Variants in CNTNAP2 observed in about 807,000 individuals in gnomAD.
CNTNAP2 encodes the protein contactin associated protein 2.
CNTNAP2 carries 98 observed loss-of-function variants against 155.2 expected under a neutral mutation model. The observed-to-expected ratio is 0.63, with a 90% CI of 0.54 to 0.75. CNTNAP2 has a LOEUF of 0.75. Ranked by LOEUF, CNTNAP2 falls within the 30% of genes least tolerant of loss-of-function variation. The pLI is 0.00. For synonymous variants in CNTNAP2, 651 were observed against 631.2 expected, an observed-to-expected ratio of 1.03 and a Z score of -0.47; for missense variants, 1,727 against 1,688.1, an observed-to-expected ratio of 1.02 and a Z score of -0.40.
intron 1 of CNTNAP2, among the ~76,000 whole-genome samples, chr7:146,693,042 T>A (rs992871943): frequency 6.6e-6 from 1 of 152,124 alleles, no homozygotes; most frequent in African/African-American, 2.4e-5. Context: ...TCTGATTGTG[T>A]CATTTACTTG....
chr7:148,292,814 C>T (rs1797211792), intron 21 of CNTNAP2, among the ~76,000 whole-genome samples: 1 of 152,156 alleles, frequency 6.6e-6, no homozygotes, highest in African/African-American at 2.4e-5. Context: ...CCATCCCCTC[C>T]ACCCCAACAT....
chr7:148,150,102 CAAAAAAAAAAAAAAAAA>C (rs71188948), intron 17 of CNTNAP2, among the ~76,000 whole-genome samples: 3 of 84,546 alleles, frequency 3.5e-5, no homozygotes, highest in Non-Finnish European at 7.5e-5. Flanking sequence ...GGGGTTGTTA[CAAAAAAAAAAAAAAAAA>C]AAAAAAAAAA....
chr7:146,902,478 G>C (rs1374653851), intron 3 of CNTNAP2, among the ~76,000 whole-genome samples: 2 of 152,180 alleles, frequency 1.3e-5, no homozygotes, highest in Non-Finnish European at 2.9e-5. Context: ...TAAGAAAAGA[G>C]TTATGGCAAG....
At chr7:146,972,932 C>T (rs954371641) in intron 3 of CNTNAP2, among the ~76,000 whole-genome samples, 10 of 152,122 alleles carry the variant, frequency 6.6e-5, no homozygotes, top group Admixed American at 2.0e-4. Flanking sequence ...TCTGTGCTGT[C>T]TAATACCATA....
intron 11 of CNTNAP2, among the ~76,000 whole-genome samples, chr7:147,499,300 G>C (rs887254743): frequency 6.6e-6 from 1 of 152,110 alleles, no homozygotes; most frequent in East Asian, 1.9e-4. Context: ...AGGCCGAGGT[G>C]GGTAGATCAT....
chr7:147,071,790 G>A (rs1239638519), intron 4 of CNTNAP2, among the ~76,000 whole-genome samples: 1 of 152,212 alleles, frequency 6.6e-6, no homozygotes, highest in Non-Finnish European at 1.5e-5. Context: ...ACTAGACAGA[G>A]GATCACAAAT....
intron 1 of CNTNAP2, among the ~76,000 whole-genome samples, chr7:146,613,573 ATTAAT>A (rs1799175401): frequency 6.6e-6 from 1 of 151,774 alleles, no homozygotes; most frequent in East Asian, 1.9e-4. Context: ...AAAAGATAAA[ATTAAT>A]TTATTTTATT....
chr7:147,704,652 A>T (rs939827411), intron 13 of CNTNAP2: 1 of 152,564 alleles, frequency 6.6e-6, no homozygotes, highest in Non-Finnish European at 1.5e-5. Context: ...TTTCGAGGAG[A>T]GCTCTTGTCC....
intron 13 of CNTNAP2, among the ~76,000 whole-genome samples, chr7:147,710,272 T>G (rs1754619359): frequency 6.6e-6 from 1 of 152,124 alleles, no homozygotes; most frequent in African/African-American, 2.4e-5. Flanking sequence ...ACTATCCCCA[T>G]AGCTAACATT....
At chr7:147,182,910 T>C (rs1802493233) in intron 8 of CNTNAP2, among the ~76,000 whole-genome samples, 1 of 152,128 alleles carries the variant, frequency 6.6e-6, no homozygotes, top group South Asian at 2.1e-4. Context: ...TATTATTCAG[T>C]CAGTAACTGT....
At chr7:147,414,941 C>CAAA (rs67048724) in intron 10 of CNTNAP2, among the ~76,000 whole-genome samples, 519 of 50,860 alleles carry the variant, frequency 0.01, 29 homozygotes, top group South Asian at 0.047. Context: ...GACTCCTTCT[C>CAAA]AAAAAAAAAA....
At chr7:147,820,446 G>C (rs200200854) in intron 13 of CNTNAP2, among the ~76,000 whole-genome samples, 1 of 152,026 alleles carries the variant, frequency 6.6e-6, no homozygotes, top group Admixed American at 6.6e-5. Flanking sequence ...TTTCCTGCCG[G>C]TCTATGATTT....
chr7:147,259,359 C>G (rs186685534), intron 8 of CNTNAP2, among the ~76,000 whole-genome samples: 6 of 152,296 alleles, frequency 3.9e-5, no homozygotes, highest in African/African-American at 1.4e-4. Context: ...ACCAATACAT[C>G]TGTCATCTGT....
At chr7:146,784,203 T>C (rs773087191) in intron 2 of CNTNAP2, among the ~76,000 whole-genome samples, 2 of 152,294 alleles carry the variant, frequency 1.3e-5, no homozygotes, top group Non-Finnish European at 2.9e-5. Flanking sequence ...GTGTACCAAA[T>C]TCTATATATC....
intron 1 of CNTNAP2, among the ~76,000 whole-genome samples, chr7:146,544,668 A>C (rs1798002701): frequency 6.6e-6 from 1 of 151,950 alleles, no homozygotes; most frequent in African/African-American, 2.4e-5. Context: ...CTATATTTAA[A>C]GAACAAGAAA....
chr7:147,366,516 A>G (rs1796231714), intron 9 of CNTNAP2, among the ~76,000 whole-genome samples: 1 of 151,718 alleles, frequency 6.6e-6, no homozygotes, highest in Non-Finnish European at 1.5e-5. Context: ...ATTCTTTCAT[A>G]GTTTCCTTCT....
At chr7:146,924,344 T>C (rs1175992391) in intron 3 of CNTNAP2, among the ~76,000 whole-genome samples, 1 of 152,038 alleles carries the variant, frequency 6.6e-6, no homozygotes, top group East Asian at 1.9e-4. Context: ...ACTTAAAGAG[T>C]CTTAATGCTG....
At chr7:146,789,844 G>T (rs965346323) in intron 2 of CNTNAP2, among the ~76,000 whole-genome samples, 2 of 150,750 alleles carry the variant, frequency 1.3e-5, no homozygotes, top group African/African-American at 4.9e-5. Context: ...GAAAGAAAAT[G>T]AATAACAGGA....
chr7:146,669,259 A>T (rs1207027809), intron 1 of CNTNAP2, among the ~76,000 whole-genome samples: 2 of 152,164 alleles, frequency 1.3e-5, no homozygotes, highest in African/African-American at 4.8e-5. Flanking sequence ...AAGAACAGGC[A>T]GTAAGCCCAC....
Sources: allele counts gnomAD v4.1 joint callset (sites outside exome capture counted in the v4.1 genomes callset), GRCh38; gene constraint gnomAD v4.1.1; transcripts MANE v1.5; gene names NCBI Gene and HGNC (gene_info 2026-07-23, HGNC 2026-07-21).